The following NAV2 variants were observed in gnomAD, a reference collection of about 807,000 sequenced individuals.
NAV2 encodes the protein neuron navigator 2, also known as helicase, APC down-regulated 1.
NAV2 carries 54 observed loss-of-function variants against 223.2 expected under a neutral mutation model. The observed-to-expected ratio is 0.24, with a 90% confidence interval of 0.19 to 0.30. The LOEUF is 0.30. Ranked by LOEUF, NAV2 falls within the 10% of genes least tolerant of loss-of-function variation. The pLI, the probability that NAV2 is intolerant of heterozygous loss-of-function variation, is 1.00. For synonymous variants in NAV2, 1,279 were observed against 1,239.3 expected (o/e 1.03, Z -0.67); for missense variants, 2,806 against 3,147.5 (o/e 0.89, Z 2.60).
At chr11:19,966,780 T>C (rs1419666537) in intron 10 of NAV2, among the ~76,000 whole-genome samples, 1 of 152,198 alleles carries the variant, frequency 6.6e-6, no homozygotes, top group African/African-American at 2.4e-5. Context: ...AGCTCCCAGA[T>C]GGCTTCTCTT....
intron 1 of NAV2, among the ~76,000 whole-genome samples, chr11:19,743,545 C>T (rs1008932390): frequency 6.6e-6 from 1 of 152,220 alleles, no homozygotes; most frequent in Non-Finnish European, 1.5e-5. Context: ...CTGCAGTTGT[C>T]AGTTCTAGGC....
At chr11:19,480,020 A>G (rs759767724) in intron 1 of NAV2, among the ~76,000 whole-genome samples, 37 of 152,190 alleles carry the variant, frequency 2.4e-4, no homozygotes, top group Non-Finnish European at 4.4e-4. Context: ...CATATTGTCT[A>G]TGATTGCTTT....
At chr11:19,923,482 T>C (rs1038393267) in intron 6 of NAV2, among the ~76,000 whole-genome samples, 2 of 152,236 alleles carry the variant, frequency 1.3e-5, no homozygotes, top group Non-Finnish European at 2.9e-5. Context: ...CTATTTATAT[T>C]GTTCAGTGGA....
At chr11:19,517,885 A>G (rs2043508297) in intron 1 of NAV2, among the ~76,000 whole-genome samples, 1 of 152,248 alleles carries the variant, frequency 6.6e-6, no homozygotes, top group Non-Finnish European at 1.5e-5. Flanking sequence ...GCATTGGGGA[A>G]CAACTTTGCA....
chr11:19,648,877 A>G (rs2047889674), intron 1 of NAV2, among the ~76,000 whole-genome samples: 1 of 152,248 alleles, frequency 6.6e-6, no homozygotes, highest in South Asian at 2.1e-4. Context: ...TCTGCCACCT[A>G]GAAACAATTA....
chr11:20,046,625 A>ACACACAC, intron 14 of NAV2, among the ~76,000 whole-genome samples: 1 of 50,688 alleles, frequency 2.0e-5, no homozygotes, highest in Non-Finnish European at 5.2e-5. Flanking sequence ...CACACACACA[A>ACACACAC]ACCTCTTAAA....
At chr11:20,005,072 T>A in intron 11 of NAV2, among the ~76,000 whole-genome samples, 1 of 151,964 alleles carries the variant, frequency 6.6e-6, no homozygotes, top group East Asian at 1.9e-4. Flanking sequence ...AACGGAAGTG[T>A]CTTCTGATTC....
chr11:19,639,830 G>A (rs1230006654), intron 1 of NAV2, among the ~76,000 whole-genome samples: 2 of 152,212 alleles, frequency 1.3e-5, no homozygotes, highest in African/African-American at 4.8e-5. Context: ...CAGGGAGATG[G>A]AGTGGGAAGT....
chr11:20,023,034 A>G lies in NAV2; in HGVS notation c.2769-12925A>G, dbSNP rs191055874. 111 of 1,546,882 alleles carry G rather than the reference A, an allele frequency of 7.2e-5. No individual in the cohort carries two copies. The African/African-American group carries it at 1.2e-3, about 17-fold the overall frequency. ...CCAGTGTGGGCTGGCTCAGCTGGCT[A>G]AAGGACTTGCCATCCTGTGAGATTC... On this transcript the variant is annotated intron_variant, in intron 11 of 37. Transcript: ENST00000349880.
chr11:19,976,852 G>A (rs17613646), intron 10 of NAV2, among the ~76,000 whole-genome samples: 6,925 of 152,268 alleles, frequency 0.045, 200 homozygotes, highest in South Asian at 0.079. Flanking sequence ...CCATGGTCAC[G>A]TCATCCTATG....
At chr11:19,776,676 G>GTGTGTGTGTGTGT (rs61624701) in intron 1 of NAV2, among the ~76,000 whole-genome samples, 14 of 147,748 alleles carry the variant, frequency 9.5e-5, no homozygotes, top group Non-Finnish European at 1.8e-4. Context: ...GTGTGTGTGT[G>GTGTGTGTGTGTGT]GTTAGAGTTG....
chr11:19,883,490 A>G (rs1490104342), intron 5 of NAV2, among the ~76,000 whole-genome samples: 1 of 152,222 alleles, frequency 6.6e-6, no homozygotes, highest in East Asian at 1.9e-4. Flanking sequence ...ATCTGTGTCT[A>G]CACAGATAAT....
intron 1 of NAV2, among the ~76,000 whole-genome samples, chr11:19,472,250 C>T (rs1394419871): frequency 6.6e-6 from 1 of 152,124 alleles, no homozygotes; most frequent in African/African-American, 2.4e-5. Context: ...AGGATAAGCA[C>T]ATAGATTCCA....
At chr11:19,823,036 T>C (rs1590736810) in intron 1 of NAV2, among the ~76,000 whole-genome samples, 2 of 152,162 alleles carry the variant, frequency 1.3e-5, no homozygotes, top group East Asian at 3.9e-4. Context: ...TTAAACAGTA[T>C]GTGCTCTTAC....
chr11:19,730,416 G>A (rs777097455), intron 1 of NAV2, among the ~76,000 whole-genome samples: 2 of 152,228 alleles, frequency 1.3e-5, no homozygotes, highest in Non-Finnish European at 2.9e-5. Context: ...GGGGCTTGTT[G>A]CAAAGCCCCT....
At position 19,879,904 on chromosome 11, in the gene NAV2, C is replaced by G; in HGVS notation, c.547C>G (p.Leu183Val). ...RNGNLKAILG[L>V]FFSLSRYKQQ... ...TGGAAACCTCAAGGCCATTCTAGGC[C>G]TCTTCTTCAGCCTCTCCCGATACAA... The change falls in exon 5 of 38, where the codon CTC becomes GTC. Residue 183 changes from leucine to valine, a missense_variant. Around this residue, in one of 4 missense-constraint regions of NAV2, gnomAD observed 1,167 missense variants for 1,180.5 expected, o/e 0.99. Coordinates refer to ENST00000349880, the MANE Select transcript of NAV2 (RefSeq NM_145117.5). 1 of 1,613,876 alleles carries G rather than the reference C, an allele frequency of 6.2e-7. No homozygotes were observed. The highest frequency in any genetic ancestry group is 8.5e-7 in the Non-Finnish European group (1 of 1,180,036).
At chr11:19,974,789 G>A (rs112001013) in intron 10 of NAV2, among the ~76,000 whole-genome samples, 2 of 152,174 alleles carry the variant, frequency 1.3e-5, no homozygotes, top group Admixed American at 6.5e-5. Flanking sequence ...TAATAATAGA[G>A]CAAAGTGTTG....
chr11:19,860,416 C>A (rs868696905), intron 3 of NAV2, among the ~76,000 whole-genome samples: 1 of 150,130 alleles, frequency 6.7e-6, no homozygotes, highest in Non-Finnish European at 1.5e-5. Context: ...GAGGCGCTCC[C>A]CACATCTCAG....
At chr11:20,098,554 C>T (rs533272753) in intron 31 of NAV2, among the ~76,000 whole-genome samples, 1 of 152,178 alleles carries the variant, frequency 6.6e-6, no homozygotes, top group Non-Finnish European at 1.5e-5. Context: ...AGGCACTGCT[C>T]TTGACTGCAG....
Sources: allele counts gnomAD v4.1 joint callset (sites outside exome capture counted in the v4.1 genomes callset), GRCh38; gene constraint gnomAD v4.1.1; regional missense constraint gnomAD v4.1.1; transcripts MANE v1.5; gene names NCBI Gene and HGNC (gene_info 2026-07-23, HGNC 2026-07-21).